SDK2: variants seen among roughly 807,000 people sequenced by gnomAD.
SDK2 encodes the protein sidekick cell adhesion molecule 2.
Under a neutral mutation model 253.9 loss-of-function variants are expected in SDK2, and 105 were observed. The observed-to-expected ratio is 0.41, with a 90% confidence interval of 0.35 to 0.49. SDK2 has a LOEUF of 0.49. Ranked by LOEUF, SDK2 falls within the 20% of genes least tolerant of loss-of-function variation. The pLI is 0.06. For synonymous variants in SDK2, 1,249 were observed against 1,234.9 expected (o/e 1.01, Z -0.24); for missense variants, 2,608 against 3,003.0 (o/e 0.87, Z 3.07).
chr17:73,375,893 C>A (rs12944777), intron 36 of SDK2, among the ~76,000 whole-genome samples: 136,619 of 151,816 alleles, frequency 0.9, 62,019 homozygotes, highest in Non-Finnish European at 0.96. Context: ...ATAAACTAAA[C>A]TAAAATAAAA....
intron 1 of SDK2, among the ~76,000 whole-genome samples, chr17:73,569,199 CTTT>C (rs531392828): frequency 2.9e-5 from 4 of 137,508 alleles, no homozygotes; most frequent in Admixed American, 7.3e-5. Context: ...TCTTTCTTTT[CTTT>C]TTTTTTTTTT....
In SDK2 at chr17:73,395,457, G is replaced by A. The variant is rs2062963778; in HGVS notation, c.3355-65C>T. Reference sequence around the variant, plus strand: ...GCCCCCCACTGTGCAGGGAGGAACTGCCCTGCTACCCTCTCCTCCAGGGCG... The same window carrying A: ...GCCCCCCACTGTGCAGGGAGGAACTACCCTGCTACCCTCTCCTCCAGGGCG... On this transcript the variant is annotated intron_variant, in intron 24 of 44. Transcript: ENST00000392650. The surrounding 1 kb of genome is among the most constrained non-coding windows in gnomAD (Gnocchi z 4.3). The A allele has an allele frequency of 3.0e-5, 40 of 1,353,338 alleles. No homozygotes were observed. The highest frequency in any genetic ancestry group is 4.1e-5 in the Non-Finnish European group (39 of 953,082). 83.8% of individuals were successfully genotyped at this position (1,353,338 alleles called of 1,614,324 possible).
intron 36 of SDK2, among the ~76,000 whole-genome samples, 197 bp from the exon 37 acceptor site, chr17:73,368,790 A>G (rs2062708951): frequency 6.6e-6 from 1 of 152,154 alleles, no homozygotes; most frequent in African/African-American, 2.4e-5. Flanking sequence ...TGGGTGGATC[A>G]CTTGAGGCCA....
intron 2 of SDK2, among the ~76,000 whole-genome samples, chr17:73,494,566 T>C (rs1321652355): frequency 1.3e-5 from 2 of 152,234 alleles, no homozygotes; most frequent in Non-Finnish European, 2.9e-5. Flanking sequence ...TTGCATCTTT[T>C]TTCCGCCTTT....
In SDK2 at chr17:73,352,764, G is replaced by T; in HGVS notation, c.5594-127C>A. 2 of 940,784 alleles carry T rather than the reference G, an allele frequency of 2.1e-6. No homozygotes were observed. The highest frequency in any genetic ancestry group is 3.2e-6 in the Non-Finnish European group (2 of 627,368). The allele number at this position is 940,784 out of a possible 1,614,324, so 58.3% of individuals were successfully genotyped here. ...GATCCTCCCTGCTCCACACTGAATC[G>T]CAGGCCTTGGTCCTCCCTTGAAGTT... On this transcript the variant is annotated intron_variant, in intron 40 of 44. Coordinates refer to ENST00000392650, the MANE Select transcript of SDK2 (RefSeq NM_001144952.2). This position sits in a 1 kb window ranked among gnomAD's most constrained non-coding sequence, Gnocchi z 4.1.
chr17:73,428,681 AGCTTCTTAAAATT>A (rs2063303152), intron 12 of SDK2, among the ~76,000 whole-genome samples: 1 of 152,020 alleles, frequency 6.6e-6, no homozygotes, highest in African/African-American at 2.4e-5. Context: ...TCACCTGGGG[AGCTTCTTAAAATT>A]GCTGAGGTCT....
At chr17:73,571,185 C>T (rs150376600) in intron 1 of SDK2, among the ~76,000 whole-genome samples, 3,433 of 152,142 alleles carry the variant, frequency 0.023, 58 homozygotes, top group African/African-American at 0.054. Context: ...TCTCCAGCCT[C>T]AGCTTCCCGA....
At chr17:73,492,308 C>T (rs1390663413) in intron 2 of SDK2, among the ~76,000 whole-genome samples, 1 of 152,106 alleles carries the variant, frequency 6.6e-6, no homozygotes, top group Non-Finnish European at 1.5e-5. Context: ...TATCTGTGGC[C>T]CGGCCGGCAC....
intron 24 of SDK2, among the ~76,000 whole-genome samples, chr17:73,397,333 C>T (rs897867974): frequency 1.3e-4 from 20 of 152,284 alleles, no homozygotes; most frequent in South Asian, 2.1e-4. Flanking sequence ...GAGGATGAGA[C>T]GGCAGTGTGC....
At position 73,626,496 on chromosome 17, in the gene SDK2, G is replaced by A. The variant is rs568277194; in HGVS notation, c.64+17529C>T. Among the ~76,000 whole-genome samples, 18 of 152,314 alleles carry A rather than the reference G, an allele frequency of 1.2e-4. No homozygotes were observed. The South Asian group carries it at 3.7e-3, about 32-fold the overall frequency. ...CCAAAGGAGAAGGAAAAGGCCAAGT[G>A]GATTGGATTCAGAAGCTCCAGCCTG... On this transcript the variant is annotated intron_variant, in intron 1 of 44. Coordinates refer to ENST00000392650, the MANE Select transcript of SDK2 (RefSeq NM_001144952.2).
chr17:73,438,304 GCAAGTTCC>G, intron 6 of SDK2, 150 bp from the exon 7 acceptor site: 1 of 691,114 alleles, frequency 1.4e-6, no homozygotes, highest in Non-Finnish European at 2.4e-6. Flanking sequence ...AAGATCTTGG[GCAAGTTCC>G]CACAGGGCTC....
rs998727822 is a variant in SDK2 at position 73,431,246 on chromosome 17, C to T, written c.1480+256G>A. Among the ~76,000 whole-genome samples the T allele has an allele frequency of 5.3e-5, 8 of 152,178 alleles. No individual in the cohort carries two copies. Among genetic ancestry groups the T allele is most frequent in the African/African-American group, 1.9e-4 (8 of 41,436 alleles). ...ATTTCTGCCCTAAAATATATGAAGGCAGCTCTCCTATAACTTCAATGTTCT... is the reference window on the plus strand; with the variant it reads ...ATTTCTGCCCTAAAATATATGAAGGTAGCTCTCCTATAACTTCAATGTTCT... On this transcript the variant is annotated intron_variant, in intron 11 of 44. Transcript: ENST00000392650. The surrounding 1 kb of genome is among the most constrained non-coding windows in gnomAD (Gnocchi z 5.6).
chr17:73,511,466 G>A lies in SDK2; in HGVS notation c.65-3869C>T, dbSNP rs977758437. 6.6e-6 allele frequency among the ~76,000 whole-genome samples: 1 copy of A among 152,204 alleles called. No individual in the cohort carries two copies. On this transcript the variant is annotated intron_variant, in intron 1 of 44. Coordinates refer to ENST00000392650, the MANE Select transcript of SDK2 (RefSeq NM_001144952.2). The surrounding 1 kb of genome is among the most constrained non-coding windows in gnomAD (Gnocchi z 4.9). The stretch of plus-strand genomic sequence containing the variant: ...GTTCATTCTTCAAGCCCTCCCGGGG[G>A]TGCCAGCCTGCAGCAGAATGACTTT...
intron 40 of SDK2, among the ~76,000 whole-genome samples, chr17:73,355,432 C>T (rs2062583905): frequency 6.6e-6 from 1 of 151,536 alleles, no homozygotes; most frequent in East Asian, 2.0e-4. Flanking sequence ...CTGCAACCTC[C>T]GGCTTCCGGG....
intron 37 of SDK2, 32 bp downstream of exon 37, chr17:73,368,375 A>G: frequency 6.9e-7 from 1 of 1,439,874 alleles, no homozygotes; most frequent in Non-Finnish European, 9.2e-7. Context: ...TGGCCGACCT[A>G]CCCCTCCCCT....
At chr17:73,500,127 T>C (rs1599624344) in intron 2 of SDK2, among the ~76,000 whole-genome samples, 1 of 142,426 alleles carries the variant, frequency 7.0e-6, no homozygotes, top group African/African-American at 2.6e-5. Flanking sequence ...TTCTCCTCCA[T>C]CCTCCATCCA....
At chr17:73,349,194 C>T (rs1177197405) in intron 43 of SDK2, among the ~76,000 whole-genome samples, 1 of 152,160 alleles carries the variant, frequency 6.6e-6, no homozygotes, top group Admixed American at 6.5e-5. Flanking sequence ...GCTGCTATGG[C>T]CATGCTGGGC....
chr17:73,532,791 G>C (rs776209425), intron 1 of SDK2, among the ~76,000 whole-genome samples: 2 of 152,056 alleles, frequency 1.3e-5, no homozygotes, highest in Non-Finnish European at 2.9e-5. Flanking sequence ...CAGACAGGAA[G>C]GAAGGCTCAT....
rs977530962 is a variant in SDK2, at chr17:73,496,090, G to A, written c.224+11348C>T. Among the ~76,000 whole-genome samples, 1 of 152,124 alleles carries A rather than the reference G, an allele frequency of 6.6e-6. No individual in the cohort carries two copies. Among genetic ancestry groups the A allele is most frequent in the African/African-American group, 2.4e-5 (1 of 41,436 alleles). ...CTTCCCGGGAGGGTGGGAAGGAACC[G>A]TGGCCAGGAAGAATGAGGTGGGAGG... On this transcript the variant is annotated intron_variant, in intron 2 of 44. Transcript: ENST00000392650. This position sits in a 1 kb window ranked among gnomAD's most constrained non-coding sequence, Gnocchi z 4.7.
Sources: allele counts gnomAD v4.1 joint callset (sites outside exome capture counted in the v4.1 genomes callset), GRCh38; gene constraint gnomAD v4.1.1; non-coding constraint Gnocchi (gnomAD v3.1); transcripts MANE v1.5; gene names NCBI Gene and HGNC (gene_info 2026-07-23, HGNC 2026-07-21).